The following EPHA3 variants were observed in gnomAD, a reference collection of about 807,000 sequenced individuals.
EPHA3 encodes EPH receptor A3.
EPHA3 carries 42 observed loss-of-function variants against 107.1 expected under a neutral mutation model. That is an observed-to-expected ratio of 0.39 (90% CI 0.31 to 0.51). The LOEUF is 0.51. Among genes scored for constraint, EPHA3 ranks in the 20% least tolerant of loss-of-function variants. The pLI, the probability that EPHA3 is intolerant of heterozygous loss-of-function variation, is 0.78. For missense variants in EPHA3, 1,183 were observed against 1,211.2 expected (o/e 0.98, Z 0.35); for synonymous variants, 461 against 424.8 (o/e 1.09, Z -1.05).
chr3:89,136,634 G>T (rs1704322474), intron 2 of EPHA3, among the ~76,000 whole-genome samples: 1 of 151,288 alleles, frequency 6.6e-6, no homozygotes, highest in Non-Finnish European at 1.5e-5. Flanking sequence ...CTTTTACTTT[G>T]ATGTAAGCTT....
intron 2 of EPHA3, among the ~76,000 whole-genome samples, chr3:89,133,789 T>C (rs1704254531): frequency 6.6e-6 from 1 of 152,092 alleles, no homozygotes; most frequent in Non-Finnish European, 1.5e-5. Flanking sequence ...AAGTAATGGC[T>C]TCACCGGGCT....
At chr3:89,357,364 A>C (rs1707989140) in intron 5 of EPHA3, among the ~76,000 whole-genome samples, 1 of 150,906 alleles carries the variant, frequency 6.6e-6, no homozygotes, top group Non-Finnish European at 1.5e-5. Flanking sequence ...TTTTTCTACA[A>C]GTTTATTTTA....
At chr3:89,421,032 T>C in intron 11 of EPHA3, among the ~76,000 whole-genome samples, 1 of 151,420 alleles carries the variant, frequency 6.6e-6, no homozygotes, top group Non-Finnish European at 1.5e-5. Context: ...CACTGGGAAC[T>C]TGTTCTGTTC....
intron 16 of EPHA3, among the ~76,000 whole-genome samples, chr3:89,478,442 A>G (rs1710560258): frequency 6.6e-6 from 1 of 152,172 alleles, no homozygotes; most frequent in Non-Finnish European, 1.5e-5. Context: ...TGTTGACAGA[A>G]GCTTACAGCT....
At chr3:89,384,042 T>G (rs1708564706) in intron 5 of EPHA3, among the ~76,000 whole-genome samples, 1 of 152,084 alleles carries the variant, frequency 6.6e-6, no homozygotes. Flanking sequence ...GCCATATACT[T>G]TCAATAGTTG....
intron 3 of EPHA3, among the ~76,000 whole-genome samples, chr3:89,339,702 G>C (rs549932537): frequency 6.6e-6 from 1 of 152,078 alleles, no homozygotes; most frequent in South Asian, 2.1e-4. Flanking sequence ...TGTTCACACA[G>C]GTTTTACTTT....
intron 11 of EPHA3, among the ~76,000 whole-genome samples, chr3:89,421,041 T>G (rs1709343646): frequency 6.6e-6 from 1 of 151,440 alleles, no homozygotes; most frequent in South Asian, 2.1e-4. Flanking sequence ...CTTGTTCTGT[T>G]CATTTCACCC....
intron 5 of EPHA3, among the ~76,000 whole-genome samples, chr3:89,350,915 C>T (rs1295239706): frequency 1.3e-5 from 2 of 151,462 alleles, no homozygotes; most frequent in East Asian, 1.9e-4. Context: ...GGATGCTTCC[C>T]AGTTAGGCTG....
At chr3:89,247,356 G>A (rs1705057205) in intron 3 of EPHA3, among the ~76,000 whole-genome samples, 2 of 152,116 alleles carry the variant, frequency 1.3e-5, no homozygotes, top group African/African-American at 2.4e-5. Context: ...ATGGATAAAT[G>A]AATCTTAAAT....
rs1352657022 is a variant in EPHA3 at position 89,166,091 on chromosome 3, T to G, written c.153+38818T>G. 2.0e-5 allele frequency among the ~76,000 whole-genome samples: 3 copies of G among 152,314 alleles called. No homozygotes were observed. In the South Asian group the frequency reaches 6.2e-4, roughly 32 times the overall value. The stretch of plus-strand genomic sequence containing the variant: ...GATCTAACTCCAGATTCCCGGCTCT[T>G]CACTGCATGAGATCTCTGTCTTAGC... On this transcript the variant is annotated intron_variant, in intron 2 of 16. Coordinates refer to ENST00000336596, the MANE Select transcript of EPHA3 (RefSeq NM_005233.6).
intron 2 of EPHA3, among the ~76,000 whole-genome samples, chr3:89,177,662 A>G (rs770963136): frequency 6.6e-6 from 1 of 152,240 alleles, no homozygotes; most frequent in Non-Finnish European, 1.5e-5. Flanking sequence ...TGTGAAGGAT[A>G]GCAAATCTTC....
At chr3:89,154,495 A>C (rs2107053371) in intron 2 of EPHA3, among the ~76,000 whole-genome samples, 1 of 152,064 alleles carries the variant, frequency 6.6e-6, no homozygotes, top group Admixed American at 6.6e-5. Context: ...ACATAGTCTC[A>C]TAATAATTTC....
chr3:89,136,329 G>GATTTTTTTTTTT (rs1559747476), intron 2 of EPHA3, among the ~76,000 whole-genome samples: 5 of 23,870 alleles, frequency 2.1e-4, no homozygotes, highest in Admixed American at 6.1e-4. Context: ...AATCTTACAG[G>GATTTTTTTTTTT]CTTTTTTTTT....
chr3:89,230,175 T>C (rs923057643), intron 3 of EPHA3, among the ~76,000 whole-genome samples: 16 of 152,038 alleles, frequency 1.1e-4, no homozygotes, highest in African/African-American at 2.7e-4. Context: ...TCCAGCTCTT[T>C]GTAGCAGATC....
chr3:89,416,334 T>A (rs1709245292), intron 10 of EPHA3, among the ~76,000 whole-genome samples: 1 of 151,494 alleles, frequency 6.6e-6, no homozygotes, highest in Non-Finnish European at 1.5e-5. Flanking sequence ...AGATCTGAAT[T>A]TTTGTTTCAT....
chr3:89,142,045 T>A (rs1274678841), intron 2 of EPHA3, among the ~76,000 whole-genome samples: 2 of 151,316 alleles, frequency 1.3e-5, no homozygotes, highest in Non-Finnish European at 3.0e-5. Flanking sequence ...AAATAAAACT[T>A]TTTTCTAAAT....
chr3:89,113,114 G>A (rs1247632990), intron 1 of EPHA3, among the ~76,000 whole-genome samples: 1 of 151,962 alleles, frequency 6.6e-6, no homozygotes. Context: ...TTAAATAAAG[G>A]GTTGACCAGT....
Position 89,480,738 on chromosome 3 carries a change from T to G in EPHA3, c.*1236T>G, listed in dbSNP as rs1553698276. The G allele has an allele frequency of 4.3e-6, 1 of 232,742 alleles. No individual in the cohort carries two copies. Among genetic ancestry groups the G allele is most frequent in the Non-Finnish European group, 8.5e-6 (1 of 117,546 alleles). 14.4% of individuals were successfully genotyped at this position (232,742 alleles called of 1,614,324 possible). ...CAGAACTTTTCCTCTGTATCACTGG[T>G]GTTTAGGTGAATTAATTAAACATTG... On this transcript the variant is annotated 3_prime_UTR_variant, in exon 17 of 17. Transcript: ENST00000336596.
chr3:89,419,773 G>C (rs1269047002), intron 11 of EPHA3, among the ~76,000 whole-genome samples: 2 of 151,304 alleles, frequency 1.3e-5, no homozygotes, highest in Non-Finnish European at 3.0e-5. Context: ...TTGTTCATCA[G>C]TTTTATTTAA....
Sources: gnomAD v4.1 joint callset for allele counts (sites outside exome capture counted in the v4.1 genomes callset) on GRCh38, gnomAD v4.1.1 for gene constraint, MANE v1.5 for transcripts, NCBI Gene and HGNC (gene_info 2026-07-23, HGNC 2026-07-21) for gene names.